Variants in LRIT3 observed in about 807,000 individuals in gnomAD.
LRIT3 encodes the protein leucine rich repeat, Ig-like and transmembrane domains 3.
LRIT3 carries 14 observed loss-of-function variants against 22.6 expected under a neutral mutation model. The ratio of observed to expected loss-of-function variants is 0.62; its 90% CI spans 0.41 to 0.97. The LOEUF is 0.97. Ranked by LOEUF, LRIT3 falls within the 50% of genes least tolerant of loss-of-function variation. The probability of loss-of-function intolerance (pLI) is 0.00; values close to 1 mark genes in which losing one functional copy is unlikely to be tolerated. For missense variants in LRIT3, 783 were observed against 803.0 expected, an observed-to-expected ratio of 0.98 and a Z score of 0.30; for synonymous variants, 306 against 304.5, an observed-to-expected ratio of 1.01 and a Z score of -0.05.
At chr4:109,866,992 C>CTACTGCCAT (rs1279098779) in intron 2 of LRIT3, among the ~76,000 whole-genome samples, 1 of 152,190 alleles carries the variant, frequency 6.6e-6, no homozygotes, top group Non-Finnish European at 1.5e-5. Context: ...CTAGACTTCT[C>CTACTGCCAT]TACTGCCATT....
At chr4:109,869,528 C>T in intron 3 of LRIT3, 117 bp from the exon 4 acceptor site, 5 of 983,886 alleles carry the variant, frequency 5.1e-6, no homozygotes, top group Non-Finnish European at 7.4e-6. Flanking sequence ...GTGCCATTTC[C>T]CTCTTGGCTT....
chr4:109,866,651 G>T (rs141360425), intron 2 of LRIT3, among the ~76,000 whole-genome samples: 98 of 152,222 alleles, frequency 6.4e-4, no homozygotes, highest in Admixed American at 2.5e-3. Context: ...ACATTGCATT[G>T]AGTATGTTTT....
intron 2 of LRIT3, among the ~76,000 whole-genome samples, chr4:109,863,630 G>C (rs894805445): frequency 6.6e-6 from 1 of 152,154 alleles, no homozygotes. Flanking sequence ...CCAGAGCAAA[G>C]GGTAAGCATG....
intron 2 of LRIT3, among the ~76,000 whole-genome samples, chr4:109,863,649 C>G (rs772919303): frequency 1.3e-5 from 2 of 152,118 alleles, no homozygotes; most frequent in Admixed American, 6.6e-5. Context: ...TGCTTACTAC[C>G]CAGTATAATA....
rs749381848 is a variant in LRIT3, at chr4:109,869,985, A to T, written c.1236A>T (p.Leu412Phe). 1.9e-6 allele frequency: 3 copies of T among 1,613,460 alleles called. No homozygotes were observed. In the South Asian group the frequency reaches 3.3e-5, roughly 18 times the overall value. Residue 412 changes from leucine (L) to phenylalanine (F), a missense_variant, in exon 4 of 4, where the codon TTA becomes TTT. Physicochemically the swap from Leu to Phe is conservative, Grantham distance 22 (BLOSUM62 0). Coordinates refer to ENST00000594814, the MANE Select transcript of LRIT3 (RefSeq NM_198506.5). Reference protein sequence around the residue: ...LSPPSTASFSLSPFSSSTVSS... With the variant: ...LSPPSTASFSFSPFSSSTVSS... ...CTCCCTCTACTGCTTCCTTCTCTTT[A>T]TCTCCTTTCTCCTCCTCCACTGTTT... is the stretch of plus-strand genomic sequence containing the variant.
chr4:109,865,458 T>A (rs1219023827), intron 2 of LRIT3, among the ~76,000 whole-genome samples: 1 of 152,218 alleles, frequency 6.6e-6, no homozygotes, highest in Non-Finnish European at 1.5e-5. Context: ...TTGGTATCTA[T>A]CAGATCATAT....
At chr4:109,866,285 A>AT (rs1306375095) in intron 2 of LRIT3, among the ~76,000 whole-genome samples, 1 of 152,038 alleles carries the variant, frequency 6.6e-6, no homozygotes, top group Non-Finnish European at 1.5e-5. Flanking sequence ...TCTGTGACAA[A>AT]TTTTTTTCTA....
rs1734789802 is a variant in LRIT3 at position 109,870,094 on chromosome 4, A to G, written c.1345A>G (p.Lys449Glu). ...ATCATTCCAGCTCCACCAAGGTGGGAAAAGAAATTTAAAGGTGGCAAAGAA... is the reference window on the plus strand; with the variant it reads ...ATCATTCCAGCTCCACCAAGGTGGGGAAAGAAATTTAAAGGTGGCAAAGAA... ...KRSFQLHQGG[K>E]RNLKVAKNGS... The change falls in exon 4 of 4, where the codon AAA (lysine) becomes GAA (glutamate). Residue 449 changes from lysine (K) to glutamate (E), a missense_variant. Lys to Glu is a moderately conservative substitution (Grantham distance 56, BLOSUM62 1). Transcript: ENST00000594814. The G allele has an allele frequency of 6.2e-7, 1 of 1,614,214 alleles. No individual in the cohort carries two copies. The highest frequency in any genetic ancestry group is 8.5e-7 in the Non-Finnish European group (1 of 1,180,030).
rs66553123 is a variant in LRIT3, at chr4:109,850,422, C to CCTTCCTTCCTTCTTTCTTT, written c.117-1079_117-1078insCCTTCCTTCTTTCTTTCTT. Among the ~76,000 whole-genome samples the CCTTCCTTCCTTCTTTCTTT allele has an allele frequency of 5.7e-3, 314 of 55,090 alleles. 28 individuals carry two copies. Among genetic ancestry groups the CCTTCCTTCCTTCTTTCTTT allele is most frequent in the South Asian group, 7.3e-3 (10 of 1,364 alleles). 36.1% of individuals were successfully genotyped at this position (55,090 alleles called of 152,430 possible). A position where few individuals can be genotyped will look rare whatever the true frequency, so the allele number is the denominator to read the frequency against. On this transcript the variant is annotated intron_variant, in intron 1 of 3. Coordinates refer to ENST00000594814, the MANE Select transcript of LRIT3 (RefSeq NM_198506.5). Reference sequence around the variant, plus strand: ...TCCTTCCTTCCTTCCTTCCTTCCTTCCTTTCTTTCTTTCTTTCTTTCTTTC... The same window carrying CCTTCCTTCCTTCTTTCTTT: ...TCCTTCCTTCCTTCCTTCCTTCCTTCCTTCCTTCCTTCTTTCTTTCTTTCTTTCTTTCTTTCTTTCTTTC...
chr4:109,867,562 CCCTACT>C, intron 2 of LRIT3, 73 bp from the exon 3 acceptor site: 1 of 1,297,924 alleles, frequency 7.7e-7, no homozygotes, highest in Non-Finnish European at 1.1e-6. Context: ...CAGTGTAGAT[CCCTACT>C]TTCTCAAGAG....
At position 109,867,785 on chromosome 4, in the gene LRIT3, G is replaced by A. The variant is rs367757242; in HGVS notation, c.734G>A (p.Arg245Gln). 1.8e-5 allele frequency: 29 copies of A among 1,613,978 alleles called. No individual in the cohort carries two copies. Among genetic ancestry groups the A allele is most frequent in the Non-Finnish European group, 2.3e-5 (27 of 1,180,016 alleles). ...CGCCTCACAGGAATTTTGTTTCAGCGGGCTGAATTGGAGCATTGTCTGAAA... is the reference window on the plus strand; with the variant it reads ...CGCCTCACAGGAATTTTGTTTCAGCAGGCTGAATTGGAGCATTGTCTGAAA... ...PERLTGILFQ[R>Q]AELEHCLKPS... Residue 245 changes from arginine to glutamine, a missense_variant, in exon 3 of 4, where the codon CGG becomes CAG. Coordinates refer to ENST00000594814, the MANE Select transcript of LRIT3 (RefSeq NM_198506.5).
chr4:109,863,038 C>G (rs907910665), intron 2 of LRIT3, among the ~76,000 whole-genome samples: 11 of 151,988 alleles, frequency 7.2e-5, no homozygotes, highest in African/African-American at 2.7e-4. Context: ...GTCACTATGA[C>G]TCTAAATGTT....
chr4:109,867,182 T>C (rs1432892735), intron 2 of LRIT3, among the ~76,000 whole-genome samples: 3 of 152,180 alleles, frequency 2.0e-5, no homozygotes, highest in African/African-American at 4.8e-5. Context: ...TACTGTATTA[T>C]GGCATTCTAT....
rs1025434553 is a variant in LRIT3, at chr4:109,870,226, G to A, written c.1477G>A (p.Val493Ile). ...TNAAIENLRV[V>I]SETKESVTLT... is the part of the protein sequence containing the mutation. ...TGCCGCAATAGAAAACCTCAGGGTG[G>A]TCAGTGAGACTAAAGAGAGTGTGAC... is the stretch of plus-strand genomic sequence containing the variant. The change falls in exon 4 of 4, where the codon GTC becomes ATC. Residue 493 changes from valine to isoleucine, a missense_variant. Val to Ile is a conservative substitution (Grantham distance 29). This residue lies in a region of LRIT3 where 756 missense variants were observed against 753.8 expected (regional missense o/e 1.00). Transcript: ENST00000594814. 1.9e-6 allele frequency: 3 copies of A among 1,614,084 alleles called. No individual in the cohort carries two copies. In the African/African-American group the frequency reaches 4.0e-5, roughly 22 times the overall value.
chr4:109,854,229 T>C (rs1304688283), intron 2 of LRIT3, among the ~76,000 whole-genome samples: 1 of 152,186 alleles, frequency 6.6e-6, no homozygotes, highest in African/African-American at 2.4e-5. Context: ...GCATGGAATG[T>C]TTTTCCATTT....
intron 1 of LRIT3, among the ~76,000 whole-genome samples, chr4:109,850,415 C>CTTGT (rs1734200358): frequency 5.6e-5 from 1 of 17,712 alleles, no homozygotes; most frequent in Non-Finnish European, 1.1e-4. Flanking sequence ...TCCTTCCTTC[C>CTTGT]TTCCTTCCTT....
At chr4:109,865,146 G>A (rs536262970) in intron 2 of LRIT3, 9 of 1,465,214 alleles carry the variant, frequency 6.1e-6, no homozygotes, top group Non-Finnish European at 8.3e-6. Flanking sequence ...GCTGTAAAAA[G>A]CTCTAGCATT....
chr4:109,863,069 G>A (rs1215663381), intron 2 of LRIT3, among the ~76,000 whole-genome samples: 1 of 152,166 alleles, frequency 6.6e-6, no homozygotes, highest in African/African-American at 2.4e-5. Context: ...AAAGAGATGA[G>A]TTATGATAGA....
chr4:109,863,591 C>A (rs1356302811), intron 2 of LRIT3, among the ~76,000 whole-genome samples: 1 of 152,164 alleles, frequency 6.6e-6, no homozygotes, highest in Non-Finnish European at 1.5e-5. Context: ...TTCAAGAGAA[C>A]AGCTTTGGAG....
Sources: allele counts gnomAD v4.1 joint callset (sites outside exome capture counted in the v4.1 genomes callset), GRCh38; gene constraint gnomAD v4.1.1; regional missense constraint gnomAD v4.1.1; transcripts MANE v1.5; gene names NCBI Gene and HGNC (gene_info 2026-07-23, HGNC 2026-07-21).